The following POFUT3 variants were observed in gnomAD, a reference collection of about 807,000 sequenced individuals.
The protein encoded by POFUT3 is protein O-fucosyltransferase 3, also known as GDP-fucose protein O-fucosyltransferase 3.
chr8:33,413,583 A>G, the POFUT3 span, among the ~76,000 whole-genome samples: 3 of 152,042 alleles, frequency 2.0e-5, no homozygotes. Flanking sequence ...ACAAAGACAC[A>G]CTCATATCTT....
the POFUT3 span, among the ~76,000 whole-genome samples, chr8:33,419,936 TG>T: frequency 6.6e-6 from 1 of 152,096 alleles, no homozygotes; most frequent in African/African-American, 2.4e-5. Context: ...AAAGCCAGCC[TG>T]GTCAACATGG....
the POFUT3 span, among the ~76,000 whole-genome samples, chr8:33,418,944 G>T: frequency 6.6e-6 from 1 of 152,168 alleles, no homozygotes; most frequent in Non-Finnish European, 1.5e-5. Context: ...GGAACTGGAG[G>T]TTATTAGGTT....
At chr8:33,395,512 T>A in the POFUT3 span, among the ~76,000 whole-genome samples, 2 of 151,824 alleles carry the variant, frequency 1.3e-5, no homozygotes, top group Non-Finnish European at 2.9e-5. Flanking sequence ...TTCCGCTCTA[T>A]CCCCTTTCCA....
the POFUT3 span, among the ~76,000 whole-genome samples, chr8:33,370,097 C>T: frequency 2.2e-4 from 30 of 138,872 alleles, no homozygotes; most frequent in Non-Finnish European, 3.7e-4. Flanking sequence ...TTTAGGAGGC[C>T]GAGGTGGGTG....
the POFUT3 span, among the ~76,000 whole-genome samples, chr8:33,431,981 G>A: frequency 6.6e-6 from 1 of 152,114 alleles, no homozygotes; most frequent in Non-Finnish European, 1.5e-5. Flanking sequence ...TTCATAAAGA[G>A]CACAAATTTG....
chr8:33,420,311 G>A, the POFUT3 span, among the ~76,000 whole-genome samples: 11 of 152,058 alleles, frequency 7.2e-5, no homozygotes, highest in Non-Finnish European at 1.5e-4. Flanking sequence ...TGTAATTGCT[G>A]GTTCTATGTT....
the POFUT3 span, among the ~76,000 whole-genome samples, chr8:33,327,075 C>T: frequency 6.6e-6 from 1 of 152,198 alleles, no homozygotes; most frequent in Non-Finnish European, 1.5e-5. Flanking sequence ...ACTGCGCCCA[C>T]TCCTGCCCTA....
At chr8:33,386,862 T>G in the POFUT3 span, among the ~76,000 whole-genome samples, 1 of 152,192 alleles carries the variant, frequency 6.6e-6, no homozygotes, top group Non-Finnish European at 1.5e-5. Context: ...CAGTTCGCAA[T>G]AATTATCTCA....
At chr8:33,408,028 A>G in the POFUT3 span, among the ~76,000 whole-genome samples, 137 of 151,324 alleles carry the variant, frequency 9.1e-4, no homozygotes, top group African/African-American at 3.1e-3. Context: ...AAGAAAGAAA[A>G]AAACATAAAA....
chr8:33,402,734 G>A, the POFUT3 span, among the ~76,000 whole-genome samples: 2 of 152,230 alleles, frequency 1.3e-5, no homozygotes, highest in Middle Eastern at 3.4e-3. Context: ...TAAAGCAAAG[G>A]ACATAAATAT....
chr8:33,353,345 C>G, the POFUT3 span, among the ~76,000 whole-genome samples: 1 of 152,238 alleles, frequency 6.6e-6, no homozygotes, highest in Admixed American at 6.5e-5. Flanking sequence ...ATGTTGGAAA[C>G]AGTCAGTTTG....
At chr8:33,444,988 C>T in the POFUT3 span, among the ~76,000 whole-genome samples, 1 of 127,486 alleles carries the variant, frequency 7.8e-6, no homozygotes, top group Non-Finnish European at 1.6e-5. Context: ...GGCTGGGGTG[C>T]AATAGTGCAA....
chr8:33,453,295 T>C, the POFUT3 span: 21 of 1,614,186 alleles, frequency 1.3e-5, no homozygotes, highest in African/African-American at 5.3e-5. Context: ...CTGCTCCACA[T>C]TGGCCTAACC....
the POFUT3 span, among the ~76,000 whole-genome samples, chr8:33,433,112 T>C: frequency 1.1e-4 from 16 of 151,852 alleles, no homozygotes; most frequent in Non-Finnish European, 2.2e-4. Flanking sequence ...CACACATCTG[T>C]AATCCCAGCT....
At chr8:33,372,832 TA>T in the POFUT3 span, 4 of 1,594,572 alleles carry the variant, frequency 2.5e-6, no homozygotes, top group African/African-American at 4.0e-5. Context: ...AGAAATGAAT[TA>T]AAAACATATG....
the POFUT3 span, among the ~76,000 whole-genome samples, chr8:33,321,831 G>A: frequency 6.6e-6 from 1 of 151,988 alleles, no homozygotes; most frequent in Admixed American, 6.6e-5. Context: ...CACTTCCTCG[G>A]GGCAGCTTTC....
At chr8:33,427,610 T>G in the POFUT3 span, among the ~76,000 whole-genome samples, 1 of 151,834 alleles carries the variant, frequency 6.6e-6, no homozygotes, top group African/African-American at 2.4e-5. Context: ...AAACAAATTA[T>G]CTTGCTATAA....
the POFUT3 span, among the ~76,000 whole-genome samples, chr8:33,325,615 A>AG: frequency 6.6e-6 from 1 of 152,204 alleles, no homozygotes; most frequent in African/African-American, 2.4e-5. Flanking sequence ...CTCCCTTTAC[A>AG]ATATTGTAGC....
chr8:33,354,105 C>G, the POFUT3 span, among the ~76,000 whole-genome samples: 1 of 152,088 alleles, frequency 6.6e-6, no homozygotes, highest in African/African-American at 2.4e-5. Context: ...TTGAAAGCCT[C>G]TTATTATAGT....
Sources: allele counts gnomAD v4.1 joint callset (sites outside exome capture counted in the v4.1 genomes callset), GRCh38; gene constraint gnomAD v4.1.1; transcripts MANE v1.5; gene names NCBI Gene and HGNC (gene_info 2026-07-23, HGNC 2026-07-21).